Variants in COL11A1 observed in about 807,000 individuals in gnomAD.
The protein encoded by COL11A1 is collagen type XI alpha 1 chain, also known as collagen alpha-1(XI) chain.
Under a neutral mutation model 265.2 loss-of-function variants are expected in COL11A1, and 74 were observed. The observed-to-expected ratio is 0.28, with a 90% CI of 0.23 to 0.34. The LOEUF is 0.34. Among genes scored for constraint, COL11A1 ranks in the 10% least tolerant of loss-of-function variants. The probability of loss-of-function intolerance (pLI) is 1.00; values close to 1 mark genes in which losing one functional copy is unlikely to be tolerated. For synonymous variants in COL11A1, 816 were observed against 727.6 expected (o/e 1.12, Z -1.96); for missense variants, 2,165 against 2,263.6 (o/e 0.96, Z 0.88).
chr1:102,921,864 T>C (rs1384440220), intron 47 of COL11A1, among the ~76,000 whole-genome samples: 1 of 152,238 alleles, frequency 6.6e-6, no homozygotes, highest in Non-Finnish European at 1.5e-5. Context: ...TAACTAGATA[T>C]ATTTCATGCT....
At chr1:103,032,000 A>G (rs1315234305) in intron 4 of COL11A1, among the ~76,000 whole-genome samples, 1 of 152,086 alleles carries the variant, frequency 6.6e-6, no homozygotes, top group East Asian at 1.9e-4. Flanking sequence ...TGCAAACAAG[A>G]GAAAAATCCA....
At chr1:102,903,867 ACTTT>A (rs1653550515) in intron 54 of COL11A1, among the ~76,000 whole-genome samples, 1 of 152,098 alleles carries the variant, frequency 6.6e-6, no homozygotes, top group Non-Finnish European at 1.5e-5. Context: ...TATGTACAGT[ACTTT>A]CTTCTTTTCG....
rs1350192692 is a variant in COL11A1 at position 103,104,441 on chromosome 1, G to A, written c.106+3632C>T. Among the ~76,000 whole-genome samples, 9 of 151,810 alleles carry A rather than the reference G, an allele frequency of 5.9e-5. No individual in the cohort carries two copies. The South Asian group carries it at 6.3e-4, about 11-fold the overall frequency. On this transcript the variant is annotated intron_variant, in intron 1 of 66. Transcript: ENST00000370096. ...CACAAATTGAAGAAAATAAAAAACC[G>A]AAAAAATATTAATTTTTTACCAATT...
chr1:102,898,440 T>C (rs1372413079), intron 56 of COL11A1, among the ~76,000 whole-genome samples: 1 of 151,918 alleles, frequency 6.6e-6, no homozygotes, highest in African/African-American at 2.4e-5. Flanking sequence ...AAAATTTGGT[T>C]TTCTATTTTC....
chr1:103,056,402 G>C (rs1323362950), intron 4 of COL11A1, among the ~76,000 whole-genome samples: 1 of 152,152 alleles, frequency 6.6e-6, no homozygotes, highest in African/African-American at 2.4e-5. Context: ...CTGAATTTAT[G>C]TTATGTGAGA....
chr1:103,093,466 A>G (rs1379520851), intron 1 of COL11A1, among the ~76,000 whole-genome samples: 5 of 152,146 alleles, frequency 3.3e-5, no homozygotes, highest in Admixed American at 6.6e-5. Context: ...GATATTTATT[A>G]GTAAGAAAGA....
chr1:103,000,298 ATAAC>A (rs1487616110), intron 24 of COL11A1, among the ~76,000 whole-genome samples: 1 of 151,936 alleles, frequency 6.6e-6, no homozygotes, highest in East Asian at 1.9e-4. Flanking sequence ...AGAACCTAAC[ATAAC>A]TAATAGGACA....
intron 1 of COL11A1, among the ~76,000 whole-genome samples, chr1:103,092,825 C>A (rs1402542718): frequency 6.6e-6 from 1 of 152,050 alleles, no homozygotes. Flanking sequence ...GTTTCACATA[C>A]TCCCAAGAAG....
intron 35 of COL11A1, among the ~76,000 whole-genome samples, chr1:102,977,635 T>G (rs1484091853): frequency 6.6e-6 from 1 of 152,166 alleles, no homozygotes; most frequent in Non-Finnish European, 1.5e-5. Context: ...TCTACTCCAT[T>G]TAATTATTTA....
At chr1:103,055,171 T>C (rs1670144002) in intron 4 of COL11A1, among the ~76,000 whole-genome samples, 1 of 152,198 alleles carries the variant, frequency 6.6e-6, no homozygotes, top group South Asian at 2.1e-4. Context: ...TGTGTGATTT[T>C]AAAATGCAAA....
chr1:103,088,422 G>A (rs541574809), intron 1 of COL11A1, among the ~76,000 whole-genome samples: 1 of 152,202 alleles, frequency 6.6e-6, no homozygotes, highest in South Asian at 2.1e-4. Context: ...GTGCCTGTGG[G>A]TATAGACCTC....
At chr1:103,077,120 T>G (rs1461050925) in intron 3 of COL11A1, among the ~76,000 whole-genome samples, 1 of 152,106 alleles carries the variant, frequency 6.6e-6, no homozygotes, top group Non-Finnish European at 1.5e-5. Flanking sequence ...TTAACTGTAT[T>G]CAACATATTA....
chr1:103,069,596 A>G (rs1571208015), intron 4 of COL11A1, among the ~76,000 whole-genome samples: 1 of 151,962 alleles, frequency 6.6e-6, no homozygotes, highest in East Asian at 1.9e-4. Context: ...AGACACCAAT[A>G]AGAAAACAAA....
chr1:102,947,861 T>A (rs191561432), intron 41 of COL11A1, among the ~76,000 whole-genome samples: 23 of 151,952 alleles, frequency 1.5e-4, no homozygotes, highest in African/African-American at 5.5e-4. Flanking sequence ...TAACAAAAAA[T>A]TGTCTTTGGA....
intron 50 of COL11A1, 63 bp downstream of exon 50, chr1:102,915,568 T>A: frequency 7.3e-7 from 1 of 1,370,928 alleles, no homozygotes; most frequent in East Asian, 2.3e-5. Context: ...TACATGTTTG[T>A]AATGCTGTAA....
intron 54 of COL11A1, among the ~76,000 whole-genome samples, chr1:102,910,617 G>C (rs1456242952): frequency 6.6e-6 from 1 of 152,060 alleles, no homozygotes; most frequent in African/African-American, 2.4e-5. Context: ...GTGCTCAGAA[G>C]TGTTTAATAA....
intron 50 of COL11A1, 38 bp downstream of exon 50, chr1:102,915,593 C>T: frequency 6.3e-7 from 1 of 1,578,050 alleles, no homozygotes; most frequent in Non-Finnish European, 8.7e-7. Flanking sequence ...AATTCCCAAA[C>T]CAATAATACA....
chr1:103,084,091 A>T (rs896546702), intron 1 of COL11A1, among the ~76,000 whole-genome samples: 1 of 152,166 alleles, frequency 6.6e-6, no homozygotes, highest in African/African-American at 2.4e-5. Flanking sequence ...AATTGTGATC[A>T]ATACATATAA....
At chr1:102,920,421 G>A (rs758881188) in intron 48 of COL11A1, 57 bp from the exon 49 acceptor site, 209 of 1,405,334 alleles carry the variant, frequency 1.5e-4, no homozygotes, top group Admixed American at 4.5e-4. Context: ...TAATGCATTC[G>A]TAAACATATG....
Sources: gnomAD v4.1 joint callset for allele counts (sites outside exome capture counted in the v4.1 genomes callset) on GRCh38, gnomAD v4.1.1 for gene constraint, MANE v1.5 for transcripts, NCBI Gene and HGNC (gene_info 2026-07-23, HGNC 2026-07-21) for gene names.